CDYL: variants seen among roughly 807,000 people sequenced by gnomAD.
CDYL encodes the protein chromodomain Y like, also known as chromodomain Y-like protein.
A neutral mutation model predicts 47.3 loss-of-function variants in CDYL; 8 were observed. The ratio of observed to expected loss-of-function variants is 0.17; its 90% CI spans 0.10 to 0.31. The LOEUF is 0.31. Among genes scored for constraint, CDYL ranks in the 10% least tolerant of loss-of-function variants. The pLI, the probability that CDYL is intolerant of heterozygous loss-of-function variation, is 1.00. For missense variants in CDYL, 471 were observed against 701.4 expected (o/e 0.67, Z 3.71); for synonymous variants, 266 against 265.0 (o/e 1.00, Z -0.04).
intron 2 of CDYL, among the ~76,000 whole-genome samples, chr6:4,900,146 G>A (rs1756976710): frequency 1.3e-5 from 2 of 152,180 alleles, no homozygotes; most frequent in Non-Finnish European, 2.9e-5. Flanking sequence ...GTAGTTTGAT[G>A]TGTGTCATTT....
At chr6:4,901,435 T>C (rs1309900160) in intron 2 of CDYL, among the ~76,000 whole-genome samples, 1 of 152,200 alleles carries the variant, frequency 6.6e-6, no homozygotes, top group Non-Finnish European at 1.5e-5. Flanking sequence ...AGCAGCTATA[T>C]ATACACAGGG....
intron 1 of CDYL, among the ~76,000 whole-genome samples, chr6:4,820,773 G>A (rs926436099): frequency 1.2e-4 from 19 of 152,216 alleles, no homozygotes; most frequent in African/African-American, 4.6e-4. Flanking sequence ...TACCTTAATT[G>A]CAGGTGTGGA....
chr6:4,894,868 TAC>T (rs1272243020), intron 2 of CDYL, among the ~76,000 whole-genome samples: 10 of 21,828 alleles, frequency 4.6e-4, no homozygotes, highest in South Asian at 4.9e-3. Context: ...TATGTGTATA[TAC>T]ACACATGTGT....
At chr6:4,788,480 C>CAAAAA (rs1220969716) in intron 1 of CDYL, among the ~76,000 whole-genome samples, 752 of 61,044 alleles carry the variant, frequency 0.012, 38 homozygotes, top group African/African-American at 0.048. Context: ...GAGACTCTGT[C>CAAAAA]AAAAAAAAAA....
At chr6:4,788,597 C>T (rs1414031863) in intron 1 of CDYL, among the ~76,000 whole-genome samples, 1 of 151,714 alleles carries the variant, frequency 6.6e-6, no homozygotes, top group Non-Finnish European at 1.5e-5. Flanking sequence ...GTCCCTAGGC[C>T]CTGAAGGTGG....
chr6:4,849,306 G>A (rs569475865), intron 1 of CDYL, among the ~76,000 whole-genome samples: 1 of 152,330 alleles, frequency 6.6e-6, no homozygotes, highest in Non-Finnish European at 1.5e-5. Context: ...TAAAAATGTG[G>A]AATGGAAAGC....
intron 2 of CDYL, among the ~76,000 whole-genome samples, chr6:4,724,048 T>C (rs907938640): frequency 2.6e-5 from 4 of 151,964 alleles, no homozygotes; most frequent in Admixed American, 1.3e-4. Context: ...CCTCACTTTT[T>C]GTGCGCGTTT....
intron 1 of CDYL, among the ~76,000 whole-genome samples, chr6:4,870,317 A>G (rs915628846): frequency 3.9e-5 from 6 of 152,184 alleles, no homozygotes; most frequent in African/African-American, 1.4e-4. Context: ...TGCTTTGAGT[A>G]TGTCATTCAT....
intron 1 of CDYL, among the ~76,000 whole-genome samples, chr6:4,783,745 C>T (rs1561635672): frequency 6.6e-6 from 1 of 152,084 alleles, no homozygotes; most frequent in East Asian, 1.9e-4. Context: ...TAGGTGCAGT[C>T]ACTTTATAGG....
rs541864212 is a variant in CDYL, at chr6:4,861,229, A to G, written c.25-30484A>G. On this transcript the variant is annotated intron_variant, in intron 1 of 6. Coordinates refer to ENST00000397588, the MANE Select transcript of CDYL (RefSeq NM_004824.4). ...GTGTATGGCGTATACGGTGATGCCT[A>G]GGTTACCATTCTCTGGGGTGTGCAC... Among the ~76,000 whole-genome samples, 30 of 152,346 alleles carry G rather than the reference A, an allele frequency of 2.0e-4. No homozygotes were observed. In the South Asian group the frequency reaches 6.0e-3, roughly 31 times the overall value.
At chr6:4,864,775 G>A (rs1277385617) in intron 1 of CDYL, among the ~76,000 whole-genome samples, 1 of 152,182 alleles carries the variant, frequency 6.6e-6, no homozygotes, top group African/African-American at 2.4e-5. Context: ...GCCTCCCTAG[G>A]CATGTGGAAC....
intron 1 of CDYL, among the ~76,000 whole-genome samples, chr6:4,715,397 C>T (rs779124048): frequency 1.6e-4 from 24 of 152,182 alleles, no homozygotes; most frequent in Admixed American, 3.3e-4. Flanking sequence ...AAATGATAGC[C>T]TTCCAACCTC....
At chr6:4,808,070 C>G (rs1475243266) in intron 1 of CDYL, among the ~76,000 whole-genome samples, 2 of 152,152 alleles carry the variant, frequency 1.3e-5, no homozygotes, top group Non-Finnish European at 2.9e-5. Context: ...TTTTCAGCTA[C>G]CACAGGACAC....
At chr6:4,830,608 T>G (rs1446918998) in intron 1 of CDYL, among the ~76,000 whole-genome samples, 1 of 152,100 alleles carries the variant, frequency 6.6e-6, no homozygotes, top group Non-Finnish European at 1.5e-5. Flanking sequence ...ATTTTTTATT[T>G]TTTCATTATT....
chr6:4,939,440 A>G (rs183163531), intron 4 of CDYL, among the ~76,000 whole-genome samples: 3 of 152,306 alleles, frequency 2.0e-5, no homozygotes, highest in Admixed American at 2.0e-4. Flanking sequence ...GCCTCTCATG[A>G]CATATTTAAT....
intron 3 of CDYL, among the ~76,000 whole-genome samples, chr6:4,746,690 G>C (rs141557482): frequency 1.3e-5 from 2 of 152,254 alleles, no homozygotes; most frequent in East Asian, 1.9e-4. Flanking sequence ...TTTGGAAACA[G>C]GTTCAAATCA....
At position 4,842,833 on chromosome 6, in the gene CDYL, T is replaced by G. The variant is rs377201378; in HGVS notation, c.25-48880T>G. On this transcript the variant is annotated intron_variant, in intron 1 of 6. Transcript: ENST00000397588. ...AACGAATATGAAAACCCTTGTGGGTTTTTTTTTCCATTATGTTATTGCTAT... is the reference window on the plus strand; with the variant it reads ...AACGAATATGAAAACCCTTGTGGGTGTTTTTTTCCATTATGTTATTGCTAT... Among the ~76,000 whole-genome samples the G allele has an allele frequency of 7.9e-5, 12 of 152,174 alleles. No individual in the cohort carries two copies. The East Asian group carries it at 1.7e-3, about 22-fold the overall frequency.
intron 1 of CDYL, among the ~76,000 whole-genome samples, chr6:4,787,853 AC>A (rs1416278041): frequency 7.0e-6 from 1 of 143,448 alleles, no homozygotes; most frequent in African/African-American, 2.7e-5. Flanking sequence ...GCTCACTGCA[AC>A]CTCTGCCTCC....
rs536643882 is a variant in CDYL at position 4,731,038 on chromosome 6, C to A, written c.104-3724C>A. The stretch of plus-strand genomic sequence containing the variant: ...ATGTTTTCAACGTCTGGGCCTGGAA[C>A]AAGTGCAGGTATTCCTTTGCTCATT... On this transcript the variant is annotated intron_variant, in intron 2 of 8. Coordinates refer to the CDYL transcript ENST00000328908. Among the ~76,000 whole-genome samples the A allele has an allele frequency of 5.9e-4, 90 of 152,374 alleles. 1 individual carries two copies. In the South Asian group the frequency reaches 0.016, roughly 26 times the overall value.
Sources: gnomAD v4.1 joint callset for allele counts (sites outside exome capture counted in the v4.1 genomes callset) on GRCh38, gnomAD v4.1.1 for gene constraint, MANE v1.5 for transcripts, NCBI Gene and HGNC (gene_info 2026-07-23, HGNC 2026-07-21) for gene names.